Variants in PREX2 observed in about 807,000 individuals in gnomAD.
The protein encoded by PREX2 is phosphatidylinositol-3,4,5-trisphosphate dependent Rac exchange factor 2, also known as phosphatidylinositol 3,4,5-trisphosphate-dependent Rac exchanger 2 protein.
PREX2 carries 107 observed loss-of-function variants against 203.2 expected under a neutral mutation model. The observed-to-expected ratio is 0.53, with a 90% confidence interval of 0.45 to 0.62. The LOEUF (loss-of-function observed/expected upper bound fraction) is 0.62. PREX2 is among the 20% of genes least tolerant of loss of function. The pLI is 0.00. For missense variants in PREX2, 1,777 were observed against 1,955.9 expected (o/e 0.91, Z 1.72); for synonymous variants, 672 against 663.6 (o/e 1.01, Z -0.19).
At chr8:67,984,408 C>T (rs1271644200) in intron 1 of PREX2, among the ~76,000 whole-genome samples, 4 of 152,144 alleles carry the variant, frequency 2.6e-5, no homozygotes, top group Non-Finnish European at 5.9e-5. Context: ...CACTTTATCA[C>T]TTAATGTTTT....
At chr8:67,989,740 A>G (rs562159353) in intron 1 of PREX2, among the ~76,000 whole-genome samples, 1 of 152,202 alleles carries the variant, frequency 6.6e-6, no homozygotes, top group Admixed American at 6.5e-5. Context: ...CCTTCTGAAG[A>G]CTCAAAATTA....
intron 1 of PREX2, among the ~76,000 whole-genome samples, chr8:67,999,398 C>A (rs933743072): frequency 6.8e-6 from 1 of 146,520 alleles, no homozygotes; most frequent in Admixed American, 7.1e-5. Context: ...TCTCCCAAGA[C>A]TGAACCATGA....
intron 24 of PREX2, 68 bp from the exon 25 acceptor site, chr8:68,109,348 A>G (rs1182127677): frequency 7.9e-6 from 9 of 1,138,562 alleles, no homozygotes; most frequent in Non-Finnish European, 7.6e-6. Flanking sequence ...AATGAAATTA[A>G]TTGGACTGGG....
intron 35 of PREX2, among the ~76,000 whole-genome samples, chr8:68,169,533 A>T (rs1811832781): frequency 6.6e-6 from 1 of 152,182 alleles, no homozygotes; most frequent in Non-Finnish European, 1.5e-5. Flanking sequence ...AAATTTTAAG[A>T]ACATATTAAG....
chr8:68,183,018 A>G (rs1812115191), intron 35 of PREX2, among the ~76,000 whole-genome samples: 1 of 151,908 alleles, frequency 6.6e-6, no homozygotes, highest in South Asian at 2.1e-4. Context: ...GAGATCAAGT[A>G]AGGACATGGC....
chr8:68,212,710 A>T (rs1272123518), intron 37 of PREX2, among the ~76,000 whole-genome samples: 2 of 152,196 alleles, frequency 1.3e-5, no homozygotes, highest in African/African-American at 4.8e-5. Flanking sequence ...ATAATTTTCT[A>T]TAGAGAGAAT....
intron 1 of PREX2, among the ~76,000 whole-genome samples, chr8:68,013,703 GCA>G (rs1201568603): frequency 2.0e-5 from 3 of 152,036 alleles, no homozygotes; most frequent in Non-Finnish European, 2.9e-5. Context: ...CATGAAATTA[GCA>G]CAGTCTTTTT....
At chr8:68,114,434 G>A (rs1585805042) in intron 25 of PREX2, 2 of 427,968 alleles carry the variant, frequency 4.7e-6, no homozygotes, top group Non-Finnish European at 9.7e-6. Context: ...CTGCTGGCTT[G>A]AGAAGCCCTA....
At chr8:68,188,472 A>G (rs560420553) in intron 35 of PREX2, among the ~76,000 whole-genome samples, 1 of 152,186 alleles carries the variant, frequency 6.6e-6, no homozygotes, top group Non-Finnish European at 1.5e-5. Flanking sequence ...CAGGCTTGCA[A>G]AGTCTATTTT....
chr8:68,094,536 GT>G (rs2129612397), intron 21 of PREX2, among the ~76,000 whole-genome samples: 1 of 152,208 alleles, frequency 6.6e-6, no homozygotes, highest in East Asian at 1.9e-4. Context: ...GTTTCAAAAC[GT>G]TTTCACAGAA....
At chr8:68,193,696 G>A (rs552525675) in intron 37 of PREX2, among the ~76,000 whole-genome samples, 1 of 152,350 alleles carries the variant, frequency 6.6e-6, no homozygotes, top group East Asian at 1.9e-4. Context: ...CAGCTAAAGA[G>A]TAGGATTCAG....
At chr8:68,064,646 G>A (rs1214304898) in intron 11 of PREX2, among the ~76,000 whole-genome samples, 1 of 152,014 alleles carries the variant, frequency 6.6e-6, no homozygotes, top group Non-Finnish European at 1.5e-5. Context: ...CCAAAGTGCT[G>A]GGATTACAGG....
intron 7 of PREX2, among the ~76,000 whole-genome samples, chr8:68,041,828 C>T (rs1241627344): frequency 6.6e-6 from 1 of 152,020 alleles, no homozygotes; most frequent in Non-Finnish European, 1.5e-5. Context: ...CTATGCCTGC[C>T]ATCAAGACCC....
At chr8:68,125,168 G>A (rs925040754) in intron 30 of PREX2, among the ~76,000 whole-genome samples, 3 of 152,036 alleles carry the variant, frequency 2.0e-5, no homozygotes, top group African/African-American at 7.2e-5. Flanking sequence ...GTTATGTGGA[G>A]GCACTCTGAG....
intron 18 of PREX2, among the ~76,000 whole-genome samples, chr8:68,087,154 G>T (rs190358345): frequency 6.5e-4 from 99 of 152,194 alleles, no homozygotes; most frequent in Non-Finnish European, 7.4e-5. Context: ...TTTTAACAAT[G>T]TTATCTTTCT....
intron 1 of PREX2, among the ~76,000 whole-genome samples, chr8:67,986,367 C>T (rs1170196064): frequency 1.3e-5 from 2 of 152,102 alleles, no homozygotes; most frequent in Admixed American, 6.5e-5. Context: ...TGATGGAGTT[C>T]CTGCTCTTGG....
chr8:68,098,462 C>G (rs537804004), intron 22 of PREX2, among the ~76,000 whole-genome samples: 76 of 152,148 alleles, frequency 5.0e-4, no homozygotes, highest in Middle Eastern at 3.4e-3. Flanking sequence ...TGTTGTACCT[C>G]TCTATATATC....
At chr8:68,205,710 C>T (rs895307870) in intron 37 of PREX2, among the ~76,000 whole-genome samples, 15 of 152,142 alleles carry the variant, frequency 9.9e-5, no homozygotes, top group Non-Finnish European at 2.1e-4. Context: ...TTTTCACAGT[C>T]GTGCTCTGTA....
chr8:68,045,264 A>C (rs1808317663), intron 8 of PREX2, among the ~76,000 whole-genome samples: 1 of 152,118 alleles, frequency 6.6e-6, no homozygotes, highest in Non-Finnish European at 1.5e-5. Context: ...TACTTAGTAA[A>C]GTGAATTCCA....
Sources: gnomAD v4.1 joint callset for allele counts (sites outside exome capture counted in the v4.1 genomes callset) on GRCh38, gnomAD v4.1.1 for gene constraint, MANE v1.5 for transcripts, NCBI Gene and HGNC (gene_info 2026-07-23, HGNC 2026-07-21) for gene names.